Variants in DMD observed in about 807,000 individuals in gnomAD.
DMD encodes the protein mutant dystrophin.
Under a neutral mutation model 330.1 loss-of-function variants are expected in DMD, and 63 were observed. The observed-to-expected ratio is 0.19, with a 90% CI of 0.16 to 0.24. The LOEUF (loss-of-function observed/expected upper bound fraction) is 0.24. Ranked by LOEUF, DMD falls within the 10% of genes least tolerant of loss-of-function variation. DMD has a pLI of 1.00. For synonymous variants in DMD, 1,223 were observed against 959.8 expected, an observed-to-expected ratio of 1.27 and a Z score of -5.07; for missense variants, 3,344 against 2,684.1, an observed-to-expected ratio of 1.25 and a Z score of -5.43.
At chrX:31,270,922 T>C (rs1603274851) in intron 62 of DMD, among the ~76,000 whole-genome samples, 1 of 111,570 alleles carries the variant, frequency 9.0e-6, no homozygotes, top group South Asian at 3.8e-4. Context: ...CTTGACTGAC[T>C]GGATGTATGA....
intron 64 of DMD, among the ~76,000 whole-genome samples, chrX:31,222,501 C>T (rs149747274): frequency 3.3e-3 from 353 of 106,484 alleles, no homozygotes; most frequent in African/African-American, 0.011. Flanking sequence ...TAGAGTTATA[C>T]ATAAACTATT....
chrX:32,328,941 G>C (rs1268566116), intron 41 of DMD, among the ~76,000 whole-genome samples: 1 of 111,348 alleles, frequency 9.0e-6, no homozygotes, highest in Admixed American at 9.6e-5. Flanking sequence ...GACCATGGCA[G>C]ACTGGCATTA....
At chrX:31,420,902 G>T (rs1271409659) in intron 60 of DMD, among the ~76,000 whole-genome samples, 1 of 112,301 alleles carries the variant, frequency 8.9e-6, no homozygotes, top group East Asian at 2.8e-4. Context: ...CTGTCTGGCT[G>T]CAGGCATTGA....
intron 1 of DMD, among the ~76,000 whole-genome samples, chrX:33,304,319 G>C (rs1451824905): frequency 9.0e-6 from 1 of 110,970 alleles, no homozygotes; most frequent in Non-Finnish European, 1.9e-5. Context: ...ATGGGGAAAG[G>C]ATTCCCTATT....
chrX:33,230,853 G>C (rs2052375601), intron 1 of DMD, among the ~76,000 whole-genome samples: 1 of 110,600 alleles, frequency 9.0e-6, no homozygotes, highest in Non-Finnish European at 1.9e-5. Flanking sequence ...TTAAGAGGTA[G>C]GTATGCAAAG....
chrX:32,553,496 C>A (rs2049821745), intron 16 of DMD, among the ~76,000 whole-genome samples: 1 of 110,716 alleles, frequency 9.0e-6, no homozygotes, highest in Admixed American at 9.6e-5. Flanking sequence ...ATAATCTGTA[C>A]AACAAACCCC....
intron 1 of DMD, among the ~76,000 whole-genome samples, chrX:33,287,906 G>C (rs1395857185): frequency 9.0e-6 from 1 of 111,318 alleles, no homozygotes; most frequent in Non-Finnish European, 1.9e-5. Context: ...AAGCCTGTCA[G>C]TGCTCCCTGC....
In DMD at chrX:32,342,179, G is replaced by C. The variant is rs748960678; in HGVS notation, c.5843C>G (p.Thr1948Ser). 1.2e-5 allele frequency: 14 copies of C among 1,209,053 alleles called. No homozygotes were observed. The South Asian group carries it at 2.3e-4, about 20-fold the overall frequency. ...CCAGCGCTTGCTGAGCTGGATCTGA[G>C]TTGGCTCCACTGCCATTGCGGCCCC... ...EDGAAMAVEP[T>S]QIQLSKRWRE... The change falls in exon 41 of 79, where the codon ACT (threonine) becomes AGT (serine). Residue 1948 changes from threonine to serine, a missense_variant. Transcript: ENST00000357033.
chrX:32,430,237 T>A (rs929351973), intron 29 of DMD, among the ~76,000 whole-genome samples: 2 of 112,053 alleles, frequency 1.8e-5, no homozygotes, highest in Admixed American at 9.5e-5. Flanking sequence ...AATATAAATT[T>A]GTCTTTGGAT....
At chrX:31,965,527 A>C in intron 45 of DMD, among the ~76,000 whole-genome samples, 1 of 111,867 alleles carries the variant, frequency 8.9e-6, no homozygotes, top group Non-Finnish European at 1.9e-5. Context: ...TTTCAAAATG[A>C]AAAGGAATGC....
At position 32,228,050 on chromosome X, in the gene DMD, G is replaced by A. The variant is rs1165056297; in HGVS notation, c.6291-10987C>T. On this transcript the variant is annotated intron_variant, in intron 43 of 78. Transcript: ENST00000357033. ...ACTTGGCCTGAGTGATTTTTAGGGG[G>A]CTAAGGGGACCTTAATTAAGCACTC... Among the ~76,000 whole-genome samples the A allele has an allele frequency of 6.3e-5, 7 of 111,324 alleles. No individual in the cohort carries two copies. In the East Asian group the frequency reaches 2.0e-3, roughly 32 times the overall value.
At chrX:32,038,942 A>ACAG (rs1262228979) in intron 44 of DMD, among the ~76,000 whole-genome samples, 3 of 111,519 alleles carry the variant, frequency 2.7e-5, no homozygotes, top group Admixed American at 9.6e-5. Context: ...AGAAGCAGAG[A>ACAG]CAGCAGAGAT....
At chrX:32,091,790 A>G (rs1232391623) in intron 44 of DMD, among the ~76,000 whole-genome samples, 1 of 111,842 alleles carries the variant, frequency 8.9e-6, no homozygotes, top group African/African-American at 3.2e-5. Flanking sequence ...TAAGGAAATA[A>G]TACAATAATT....
intron 17 of DMD, among the ~76,000 whole-genome samples, chrX:32,535,176 G>T (rs1294638178): frequency 9.0e-6 from 1 of 111,602 alleles, no homozygotes; most frequent in Non-Finnish European, 1.9e-5. Context: ...TGACGAAATA[G>T]ATTCTTGGGG....
At chrX:32,315,828 A>G (rs2148633974) in intron 41 of DMD, among the ~76,000 whole-genome samples, 1 of 112,040 alleles carries the variant, frequency 8.9e-6, no homozygotes, top group East Asian at 2.8e-4. Context: ...TCTCTTTTAG[A>G]AGAGTGTTAT....
At chrX:31,369,755 C>T (rs1026037612) in intron 60 of DMD, among the ~76,000 whole-genome samples, 2 of 111,355 alleles carry the variant, frequency 1.8e-5, no homozygotes, top group Non-Finnish European at 3.8e-5. Flanking sequence ...CTTCAATAAT[C>T]AAGCCAGCCA....
chrX:32,977,186 G>C (rs1477700010), intron 2 of DMD, among the ~76,000 whole-genome samples: 1 of 110,627 alleles, frequency 9.0e-6, no homozygotes, highest in Non-Finnish European at 1.9e-5. Flanking sequence ...TATAGTCCCA[G>C]CTGCTCAGGA....
intron 11 of DMD, among the ~76,000 whole-genome samples, chrX:32,616,323 G>T (rs958942989): frequency 9.0e-6 from 1 of 110,882 alleles, no homozygotes; most frequent in Non-Finnish European, 1.9e-5. Context: ...TTCCCTCTCC[G>T]TGAGGGCAGA....
At chrX:31,367,304 T>C (rs972938335) in intron 60 of DMD, among the ~76,000 whole-genome samples, 8 of 111,678 alleles carry the variant, frequency 7.2e-5, no homozygotes, top group African/African-American at 2.6e-4. Context: ...TTTTCATTTA[T>C]ATTGTATAGT....
Sources: gnomAD v4.1 joint callset for allele counts (sites outside exome capture counted in the v4.1 genomes callset) on GRCh38, gnomAD v4.1.1 for gene constraint, MANE v1.5 for transcripts, NCBI Gene and HGNC (gene_info 2026-07-23, HGNC 2026-07-21) for gene names.